The following ANKRD45 variants were observed in gnomAD, a reference collection of about 807,000 sequenced individuals.
ANKRD45 encodes ankyrin repeat domain-containing protein 45.
In ANKRD45, 21 loss-of-function variants were observed where a neutral mutation model predicts 28.1. That is an observed-to-expected ratio of 0.75 (90% confidence interval 0.53 to 1.08). The LOEUF is 1.08. Ranked by LOEUF, ANKRD45 falls within the 50% of genes least tolerant of loss-of-function variation. ANKRD45 has a pLI of 0.00. For missense variants in ANKRD45, 261 were observed against 308.7 expected, an observed-to-expected ratio of 0.85 and a Z score of 1.16; for synonymous variants, 86 against 103.9, an observed-to-expected ratio of 0.83 and a Z score of 1.05.
chr1:173,680,477 G>A, the ANKRD45 span, among the ~76,000 whole-genome samples: 5 of 151,670 alleles, frequency 3.3e-5, no homozygotes, highest in Admixed American at 2.0e-4. Flanking sequence ...CTCATAAGTG[G>A]GAGTTGAACA....
At chr1:173,625,700 AAAATT>A (rs1345909675) in intron 4 of ANKRD45, among the ~76,000 whole-genome samples, 4 of 151,570 alleles carry the variant, frequency 2.6e-5, no homozygotes, top group African/African-American at 9.8e-5. Flanking sequence ...GAAAAAAAGT[AAAATT>A]AAAGAATAAT....
chr1:173,638,345 C>T (rs1029419143), intron 3 of ANKRD45, among the ~76,000 whole-genome samples: 9 of 152,130 alleles, frequency 5.9e-5, no homozygotes, highest in African/African-American at 7.2e-5. Context: ...AAAGAATAGG[C>T]GAGACATCCC....
chr1:173,621,118 C>G (rs1667683720), intron 5 of ANKRD45, among the ~76,000 whole-genome samples: 1 of 152,114 alleles, frequency 6.6e-6, no homozygotes, highest in Admixed American at 6.5e-5. Flanking sequence ...GAAATTGAAT[C>G]CCTGAATAGA....
chr1:173,645,409 T>C (rs1021783655), intron 3 of ANKRD45, among the ~76,000 whole-genome samples: 12 of 152,198 alleles, frequency 7.9e-5, no homozygotes, highest in African/African-American at 2.7e-4. Flanking sequence ...TTTAAGGGTA[T>C]GGTGTAATAA....
chr1:173,631,767 A>T (rs1280924155), intron 3 of ANKRD45, among the ~76,000 whole-genome samples: 1 of 152,152 alleles, frequency 6.6e-6, no homozygotes, highest in Non-Finnish European at 1.5e-5. Context: ...ACTAATAAGA[A>T]GGAAATTTTT....
At chr1:173,631,852 G>A (rs1276936913) in intron 3 of ANKRD45, among the ~76,000 whole-genome samples, 1 of 151,354 alleles carries the variant, frequency 6.6e-6, no homozygotes, top group African/African-American at 2.4e-5. Flanking sequence ...AGTACTAAGA[G>A]GAAACTTTAT....
At chr1:173,656,403 T>C (rs1669513796) in intron 2 of ANKRD45, among the ~76,000 whole-genome samples, 1 of 152,226 alleles carries the variant, frequency 6.6e-6, no homozygotes. Context: ...TCCTAAACTC[T>C]CTTAGCACTA....
intron 2 of ANKRD45, among the ~76,000 whole-genome samples, chr1:173,656,375 G>A (rs1669511180): frequency 6.6e-6 from 1 of 152,138 alleles, no homozygotes; most frequent in South Asian, 2.1e-4. Context: ...TGGGATATTG[G>A]TCTTATGTTC....
At chr1:173,685,260 C>T in the ANKRD45 span, among the ~76,000 whole-genome samples, 3 of 152,178 alleles carry the variant, frequency 2.0e-5, no homozygotes, top group Non-Finnish European at 4.4e-5. Context: ...TTCAGGTCTC[C>T]AAGGAATACT....
the ANKRD45 span, among the ~76,000 whole-genome samples, chr1:173,677,193 AAG>A: frequency 2.6e-5 from 4 of 151,858 alleles, no homozygotes; most frequent in African/African-American, 9.7e-5. Flanking sequence ...TAAAAAAAAA[AAG>A]GTGCAAAACT....
intron 3 of ANKRD45, chr1:173,635,264 A>ACAT: frequency 2.9e-6 from 1 of 344,160 alleles, no homozygotes; most frequent in Non-Finnish European, 5.3e-6. Context: ...GTTATTTATG[A>ACAT]TGTCACTGAA....
At chr1:173,657,940 T>C (rs1669619505) in intron 2 of ANKRD45, 1 of 152,176 alleles carries the variant, frequency 6.6e-6, no homozygotes, top group Non-Finnish European at 1.5e-5. Flanking sequence ...ATTTTAGTTG[T>C]ATCCCATGGG....
At chr1:173,691,523 C>T in the ANKRD45 span, among the ~76,000 whole-genome samples, 44 of 152,346 alleles carry the variant, frequency 2.9e-4, no homozygotes, top group African/African-American at 1.0e-3. Context: ...TGGTGGCTCA[C>T]GCCTGTAATC....
the ANKRD45 span, among the ~76,000 whole-genome samples, chr1:173,696,388 G>A: frequency 6.6e-6 from 1 of 152,238 alleles, no homozygotes; most frequent in South Asian, 2.1e-4. Flanking sequence ...CTTTCTTCTA[G>A]GATTTTTATA....
the ANKRD45 span, among the ~76,000 whole-genome samples, chr1:173,682,892 ATGTAAATAAGGCCCTT>A: frequency 1.3e-5 from 2 of 152,112 alleles, no homozygotes; most frequent in African/African-American, 4.8e-5. Context: ...TAGGCTTGTT[ATGTAAATAAGGCCCTT>A]TTAGTAGTCA....
At chr1:173,672,349 G>A (rs773979532), upstream of ANKRD45, among the ~76,000 whole-genome samples, 23 of 152,166 alleles carry the variant, frequency 1.5e-4, 1 homozygote, top group Non-Finnish European at 3.2e-4. Flanking sequence ...GTGATGAAGA[G>A]CAAGGCTAAT....
chr1:173,660,470 A>G (rs1669729640), intron 1 of ANKRD45, among the ~76,000 whole-genome samples: 1 of 152,196 alleles, frequency 6.6e-6, no homozygotes, highest in South Asian at 2.1e-4. Context: ...AAGGCTCCCA[A>G]TGTCCCACCC....
At chr1:173,657,127 G>A (rs1024214600) in intron 2 of ANKRD45, among the ~76,000 whole-genome samples, 1 of 150,748 alleles carries the variant, frequency 6.6e-6, no homozygotes, top group African/African-American at 2.4e-5. Flanking sequence ...AATATTCTAT[G>A]TTTTCAATTC....
At chr1:173,671,641 C>T (rs572165328), upstream of ANKRD45, among the ~76,000 whole-genome samples, 22 of 151,260 alleles carry the variant, frequency 1.5e-4, no homozygotes, top group South Asian at 1.5e-3. Context: ...GAGGCCAAGG[C>T]GGGCGGATCA....
Sources: gnomAD v4.1 joint callset for allele counts (sites outside exome capture counted in the v4.1 genomes callset) on GRCh38, gnomAD v4.1.1 for gene constraint, MANE v1.5 for transcripts, NCBI Gene and HGNC (gene_info 2026-07-23, HGNC 2026-07-21) for gene names.